Variants in RBFOX1 observed in about 807,000 individuals in gnomAD.
RBFOX1 encodes the protein RNA binding fox-1 homolog 1, also known as RNA binding protein fox-1 homolog 1.
In RBFOX1, 8 loss-of-function variants were observed where a neutral mutation model predicts 57.7. The observed-to-expected ratio is 0.14, with a 90% CI of 0.08 to 0.25. The LOEUF (loss-of-function observed/expected upper bound fraction) is 0.25, where lower values mean the gene tolerates loss of function less well. RBFOX1 is among the 10% of genes least tolerant of loss of function. The pLI is 1.00. For missense variants in RBFOX1, 611 were observed against 548.5 expected, an observed-to-expected ratio of 1.11 and a Z score of -1.14; for synonymous variants, 326 against 222.4, an observed-to-expected ratio of 1.47 and a Z score of -4.15.
intron 2 of RBFOX1, among the ~76,000 whole-genome samples, chr16:5,585,730 A>G (rs967877283): frequency 6.6e-6 from 1 of 152,216 alleles, no homozygotes; most frequent in Non-Finnish European, 1.5e-5. Context: ...CAGGGTGTAG[A>G]CCTGGGTTTA....
At chr16:7,468,602 C>T (rs942637211) in intron 4 of RBFOX1, among the ~76,000 whole-genome samples, 2 of 152,044 alleles carry the variant, frequency 1.3e-5, no homozygotes, top group African/African-American at 4.8e-5. Flanking sequence ...ATGTAGGTCC[C>T]AGAATGAGCC....
At chr16:6,545,176 A>G (rs1399126585) in intron 2 of RBFOX1, among the ~76,000 whole-genome samples, 1 of 152,174 alleles carries the variant, frequency 6.6e-6, no homozygotes, top group African/African-American at 2.4e-5. Flanking sequence ...AACTACCCGC[A>G]TCTGGACTAC....
At chr16:5,976,669 G>C (rs2060069425) in intron 4 of RBFOX1, among the ~76,000 whole-genome samples, 1 of 152,138 alleles carries the variant, frequency 6.6e-6, no homozygotes, top group Non-Finnish European at 1.5e-5. Flanking sequence ...AGGAGTTCGA[G>C]ACCAGCCTGG....
chr16:7,511,485 A>C (rs2075071459), intron 4 of RBFOX1, among the ~76,000 whole-genome samples: 1 of 152,242 alleles, frequency 6.6e-6, no homozygotes, highest in Non-Finnish European at 1.5e-5. Flanking sequence ...TCTGAGCATC[A>C]GAAGAGTGGC....
intron 2 of RBFOX1, among the ~76,000 whole-genome samples, chr16:6,500,593 C>T (rs887205254): frequency 4.3e-4 from 66 of 152,170 alleles, no homozygotes; most frequent in African/African-American, 1.5e-3. Context: ...AAATTAATAT[C>T]CAGCCATGGA....
At chr16:7,231,030 C>A (rs1036746483) in intron 4 of RBFOX1, among the ~76,000 whole-genome samples, 6 of 152,176 alleles carry the variant, frequency 3.9e-5, no homozygotes, top group East Asian at 1.9e-4. Context: ...CACCTCTAGC[C>A]CCCTGAGCAT....
At chr16:7,031,845 C>A in intron 3 of RBFOX1, among the ~76,000 whole-genome samples, 2 of 152,134 alleles carry the variant, frequency 1.3e-5, no homozygotes, top group Non-Finnish European at 2.9e-5. Flanking sequence ...CCTTGCTGGC[C>A]TGCTGGACAC....
At chr16:6,272,079 A>G (rs543081136) in intron 1 of RBFOX1, among the ~76,000 whole-genome samples, 2 of 152,278 alleles carry the variant, frequency 1.3e-5, no homozygotes, top group South Asian at 4.1e-4. Context: ...AACAATATAT[A>G]ATAATAATTT....
chr16:5,821,746 A>C (rs748548519), intron 3 of RBFOX1, among the ~76,000 whole-genome samples: 1 of 152,206 alleles, frequency 6.6e-6, no homozygotes, highest in East Asian at 1.9e-4. Flanking sequence ...GGGAAGTCCA[A>C]GGTCAAGGCA....
At chr16:7,500,344 C>G (rs77438238) in intron 4 of RBFOX1, among the ~76,000 whole-genome samples, 1 of 152,110 alleles carries the variant, frequency 6.6e-6, no homozygotes, top group Non-Finnish European at 1.5e-5. Flanking sequence ...TGTGCTTCTG[C>G]TTAGTTGGGT....
intron 3 of RBFOX1, among the ~76,000 whole-genome samples, chr16:5,657,787 C>G (rs529331057): frequency 7.8e-6 from 1 of 128,128 alleles, no homozygotes; most frequent in Admixed American, 9.2e-5. Flanking sequence ...GGTTGGAGTA[C>G]AGTAGCACGA....
intron 4 of RBFOX1, among the ~76,000 whole-genome samples, chr16:7,267,441 C>G (rs117593494): frequency 0.037 from 5,621 of 151,874 alleles, 153 homozygotes; most frequent in East Asian, 0.13. Flanking sequence ...GAGGCTGAGG[C>G]AAGAGAATCA....
intron 1 of RBFOX1, among the ~76,000 whole-genome samples, chr16:6,229,329 C>T (rs2097440809): frequency 6.6e-6 from 1 of 152,234 alleles, no homozygotes. Flanking sequence ...AAACCAGTTC[C>T]TCTGCACGCA....
chr16:6,046,255 A>C (rs2152426045), intron 1 of RBFOX1, among the ~76,000 whole-genome samples: 1 of 152,362 alleles, frequency 6.6e-6, no homozygotes, highest in Non-Finnish European at 1.5e-5. Context: ...AAGTGGCAGT[A>C]GGAATGGATA....
At chr16:7,137,589 C>G (rs954509859) in intron 4 of RBFOX1, among the ~76,000 whole-genome samples, 2 of 152,110 alleles carry the variant, frequency 1.3e-5, no homozygotes, top group African/African-American at 4.8e-5. Context: ...TATACATTAC[C>G]CAGTCTCAGG....
At chr16:6,205,623 A>G (rs980800260) in intron 1 of RBFOX1, among the ~76,000 whole-genome samples, 3 of 152,102 alleles carry the variant, frequency 2.0e-5, no homozygotes, top group Non-Finnish European at 2.9e-5. Context: ...CATTGACGGT[A>G]AAGGCTGTGA....
intron 1 of RBFOX1, among the ~76,000 whole-genome samples, chr16:6,117,791 T>G (rs1193699893): frequency 6.6e-6 from 1 of 152,260 alleles, no homozygotes; most frequent in Non-Finnish European, 1.5e-5. Context: ...AGATGAGTTA[T>G]CTTTAAAATA....
intron 2 of RBFOX1, among the ~76,000 whole-genome samples, chr16:6,396,024 C>T (rs1034630415): frequency 1.6e-4 from 21 of 134,618 alleles, no homozygotes; most frequent in Non-Finnish European, 2.6e-4. Flanking sequence ...TGAGATCGCA[C>T]CAATGCACTG....
At chr16:7,042,377 A>G (rs952403031) in intron 3 of RBFOX1, among the ~76,000 whole-genome samples, 1 of 152,132 alleles carries the variant, frequency 6.6e-6, no homozygotes, top group Admixed American at 6.5e-5. Context: ...AACCTAGTCA[A>G]CCCATCCAGA....
Sources: gnomAD v4.1 joint callset for allele counts (sites outside exome capture counted in the v4.1 genomes callset) on GRCh38, gnomAD v4.1.1 for gene constraint, MANE v1.5 for transcripts, NCBI Gene and HGNC (gene_info 2026-07-23, HGNC 2026-07-21) for gene names.